MARCHF10: variants seen among roughly 807,000 people sequenced by gnomAD.
MARCHF10 encodes probable E3 ubiquitin-protein ligase MARCHF10.
In MARCHF10, 64 loss-of-function variants were observed where a neutral mutation model predicts 76.2. The ratio of observed to expected loss-of-function variants is 0.84; its 90% CI spans 0.69 to 1.03. The LOEUF is 1.03. Among genes scored for constraint, MARCHF10 ranks in the 50% least tolerant of loss-of-function variants. MARCHF10 has a pLI of 0.00. For synonymous variants in MARCHF10, 340 were observed against 357.5 expected, an observed-to-expected ratio of 0.95 and a Z score of 0.55; for missense variants, 875 against 958.0, an observed-to-expected ratio of 0.91 and a Z score of 1.14.
In MARCHF10 at chr17:62,711,754, A is replaced by G. The variant is rs770683490; in HGVS notation, c.2215-410T>C. Among the ~76,000 whole-genome samples, 1 of 152,162 alleles carries G rather than the reference A, an allele frequency of 6.6e-6. No homozygotes were observed. On this transcript the variant is annotated intron_variant, in intron 8 of 10. Transcript: ENST00000311269. This position sits in a 1 kb window ranked among gnomAD's most constrained non-coding sequence, Gnocchi z 4.4. ...GGTAAACAGCTCCAGTACAAGCTGG[A>G]TGTGTCGGGTGCTACAACAGAGATG...
intron 7 of MARCHF10, 29 bp downstream of exon 7, chr17:62,724,909 A>G: frequency 6.2e-7 from 1 of 1,607,622 alleles, no homozygotes; most frequent in Non-Finnish European, 8.5e-7. Context: ...ATGTCGTGGC[A>G]CGTTCACTGC....
chr17:62,782,634 C>T (rs971950048), intron 3 of MARCHF10, among the ~76,000 whole-genome samples: 3 of 151,954 alleles, frequency 2.0e-5, no homozygotes, highest in Admixed American at 1.3e-4. Flanking sequence ...TGTGAGCTAC[C>T]GCGCCTGGCC....
chr17:62,797,106 G>T (rs1306650189), intron 2 of MARCHF10, among the ~76,000 whole-genome samples: 1 of 152,148 alleles, frequency 6.6e-6, no homozygotes, highest in Non-Finnish European at 1.5e-5. Context: ...GTACTAGAGT[G>T]GTGGAAATAT....
intron 4 of MARCHF10, among the ~76,000 whole-genome samples, chr17:62,747,563 T>G (rs943350418): frequency 6.6e-6 from 1 of 152,224 alleles, no homozygotes; most frequent in African/African-American, 2.4e-5. Context: ...CTGTGAAGTT[T>G]AGCAAAAATG....
At position 62,724,923 on chromosome 17, in the gene MARCHF10, TC is replaced by T. The variant is rs2090677906; in HGVS notation, c.2104+14del. 8 of 1,610,492 alleles carry T rather than the reference TC, an allele frequency of 5.0e-6. No homozygotes were observed. Among genetic ancestry groups the T allele is most frequent in the Admixed American group, 1.7e-5 (1 of 59,254 alleles). On this transcript the variant is annotated intron_variant, in intron 7 of 10. Coordinates refer to ENST00000311269, the MANE Select transcript of MARCHF10 (RefSeq NM_152598.4). Reference sequence around the variant, plus strand: ...CATGTCGTGGCACGTTCACTGCACTTCCTTCCCCACCTACCTGATGTTATTT... The same window carrying T: ...CATGTCGTGGCACGTTCACTGCACTTCTTCCCCACCTACCTGATGTTATTT...
chr17:62,704,765 A>G (rs988258366), intron 10 of MARCHF10, among the ~76,000 whole-genome samples: 8 of 152,206 alleles, frequency 5.3e-5, no homozygotes, highest in Admixed American at 1.3e-4. Flanking sequence ...CCCATGTGGG[A>G]GCCACTGTTC....
chr17:62,727,769 C>T (rs545591547), intron 6 of MARCHF10, among the ~76,000 whole-genome samples: 18 of 152,196 alleles, frequency 1.2e-4, no homozygotes, highest in East Asian at 1.9e-4. Flanking sequence ...ATGATATTGA[C>T]GAGAGGAAAG....
chr17:62,716,691 G>C (rs1285518594), intron 8 of MARCHF10, among the ~76,000 whole-genome samples: 1 of 141,942 alleles, frequency 7.0e-6, no homozygotes, highest in Non-Finnish European at 1.5e-5. Context: ...TTAAACAAAA[G>C]CAAAAAAAAA....
chr17:62,723,042 T>C (rs1464175007), intron 7 of MARCHF10, among the ~76,000 whole-genome samples: 2 of 151,504 alleles, frequency 1.3e-5, no homozygotes, highest in African/African-American at 4.9e-5. Context: ...TCTCGATCAA[T>C]GGCTTAAAAA....
chr17:62,739,992 CCT>C (rs1408014111), intron 5 of MARCHF10, among the ~76,000 whole-genome samples: 2 of 152,016 alleles, frequency 1.3e-5, no homozygotes, highest in African/African-American at 2.4e-5. Flanking sequence ...CATCTTCACC[CCT>C]GTCTCGTCAC....
intron 1 of MARCHF10, among the ~76,000 whole-genome samples, chr17:62,802,218 G>A (rs1183144896): frequency 6.6e-6 from 1 of 152,078 alleles, no homozygotes; most frequent in Middle Eastern, 3.2e-3. Context: ...CCTCATCTTT[G>A]CTCTTTTTTT....
At chr17:62,753,528 C>T (rs1336449432) in intron 4 of MARCHF10, among the ~76,000 whole-genome samples, 1 of 152,210 alleles carries the variant, frequency 6.6e-6, no homozygotes, top group African/African-American at 2.4e-5. Flanking sequence ...AAGAAGCTCT[C>T]AGATGATGGT....
intron 2 of MARCHF10, among the ~76,000 whole-genome samples, chr17:62,799,674 A>G (rs1426281659): frequency 6.6e-6 from 1 of 151,650 alleles, no homozygotes; most frequent in Non-Finnish European, 1.5e-5. Flanking sequence ...TGAACCCAGG[A>G]GGCAGAGGTT....
At chr17:62,721,799 T>C (rs956869477) in intron 8 of MARCHF10, among the ~76,000 whole-genome samples, 2 of 152,194 alleles carry the variant, frequency 1.3e-5, no homozygotes, top group Non-Finnish European at 2.9e-5. Flanking sequence ...CCAGGGTTAC[T>C]TGGTATTTAA....
chr17:62,753,043 C>T (rs572574991), intron 4 of MARCHF10, among the ~76,000 whole-genome samples: 240 of 152,238 alleles, frequency 1.6e-3, no homozygotes, highest in African/African-American at 5.5e-3. Flanking sequence ...GGTGGGGCCT[C>T]AACTTTATAT....
intron 8 of MARCHF10, 151 bp downstream of exon 8, chr17:62,722,337 G>T (rs1347878640): frequency 1.8e-6 from 1 of 544,202 alleles, no homozygotes; most frequent in Non-Finnish European, 3.2e-6. Flanking sequence ...TTAGTGGCAG[G>T]TCTTCTCAGA....
intron 2 of MARCHF10, among the ~76,000 whole-genome samples, chr17:62,791,187 C>T (rs1002783847): frequency 3.9e-5 from 6 of 152,124 alleles, no homozygotes; most frequent in East Asian, 3.8e-4. Context: ...GAAAGTGTAA[C>T]GAAGTTCAGC....
intron 9 of MARCHF10, among the ~76,000 whole-genome samples, chr17:62,710,504 GA>G (rs35384965): frequency 0.44 from 52,765 of 120,982 alleles, 10,053 homozygotes; most frequent in African/African-American, 0.46. Flanking sequence ...ATGTGAGCCA[GA>G]AAAAAAAAAA....
intron 4 of MARCHF10, among the ~76,000 whole-genome samples, chr17:62,748,267 C>T (rs1175385833): frequency 1.3e-4 from 20 of 152,026 alleles, no homozygotes; most frequent in African/African-American, 2.9e-4. Flanking sequence ...CATGGTGGCA[C>T]GCACCTGTAA....
Sources: gnomAD v4.1 joint callset for allele counts (sites outside exome capture counted in the v4.1 genomes callset) on GRCh38, gnomAD v4.1.1 for gene constraint, Gnocchi (gnomAD v3.1) non-coding constraint, MANE v1.5 for transcripts, NCBI Gene and HGNC (gene_info 2026-07-23, HGNC 2026-07-21) for gene names.